Variants in ADAD1 observed in about 807,000 individuals in gnomAD.
ADAD1 encodes the protein adenosine deaminase domain-containing protein 1.
In ADAD1, 46 loss-of-function variants were observed where a neutral mutation model predicts 66.8. The ratio of observed to expected loss-of-function variants is 0.69; its 90% CI spans 0.54 to 0.88. ADAD1 has a LOEUF of 0.88. Ranked by LOEUF, ADAD1 falls within the 40% of genes least tolerant of loss-of-function variation. ADAD1 has a pLI of 0.00. For missense variants in ADAD1, 617 were observed against 681.8 expected, an observed-to-expected ratio of 0.91 and a Z score of 1.06; for synonymous variants, 248 against 229.4, an observed-to-expected ratio of 1.08 and a Z score of -0.73.
chr4:122,383,472 GT>G (rs79842121), intron 4 of ADAD1, among the ~76,000 whole-genome samples: 7,477 of 152,222 alleles, frequency 0.049, 257 homozygotes, highest in Non-Finnish European at 0.074. Flanking sequence ...CTCACTAGCC[GT>G]TTGACAGATA....
At chr4:122,384,969 C>G (rs1334875043) in intron 5 of ADAD1, among the ~76,000 whole-genome samples, 1 of 152,154 alleles carries the variant, frequency 6.6e-6, no homozygotes, top group Admixed American at 6.5e-5. Flanking sequence ...TATATTCTGT[C>G]TTGGGCTAGA....
chr4:122,421,612 T>C (rs1348851310), intron 12 of ADAD1, among the ~76,000 whole-genome samples: 7 of 152,166 alleles, frequency 4.6e-5, no homozygotes, highest in Non-Finnish European at 8.8e-5. Context: ...TATATACTTA[T>C]TTTGACAGTG....
chr4:122,411,999 G>T (rs1219551064), intron 9 of ADAD1, among the ~76,000 whole-genome samples: 1 of 152,066 alleles, frequency 6.6e-6, no homozygotes, highest in Non-Finnish European at 1.5e-5. Context: ...TTTGATGAAT[G>T]AATATCATCA....
chr4:122,385,604 C>T (rs1313991085), intron 5 of ADAD1, among the ~76,000 whole-genome samples: 3 of 152,112 alleles, frequency 2.0e-5, no homozygotes, highest in African/African-American at 4.8e-5. Context: ...TTAAAGGATA[C>T]GTGTGCAGAA....
At position 122,396,868 on chromosome 4, in the gene ADAD1, A is replaced by G. The variant is rs17005710; in HGVS notation, c.724+491A>G. Among the ~76,000 whole-genome samples, 373 of 152,302 alleles carry G rather than the reference A, an allele frequency of 2.4e-3. 1 individual carries two copies. The highest frequency in any genetic ancestry group is 8.7e-3 in the African/African-American group (362 of 41,582). On this transcript the variant is annotated intron_variant, in intron 7 of 12. Coordinates refer to ENST00000296513, the MANE Select transcript of ADAD1 (RefSeq NM_139243.4). The stretch of plus-strand genomic sequence containing the variant: ...AGAAACAATTTGAGATTTGATTCCT[A>G]TTCTTAAGGAGTTGTTATGATCTAA...
Position 122,412,658 on chromosome 4 carries a change from T to G in ADAD1, c.1098T>G (p.Ile366Met), listed in dbSNP as rs752131046. Residue 366 changes from isoleucine (I) to methionine (M), a missense_variant, in exon 10 of 13, where the codon ATT becomes ATG. Physicochemically the swap from Ile to Met is conservative, Grantham distance 10. Coordinates refer to ENST00000296513, the MANE Select transcript of ADAD1 (RefSeq NM_139243.4). ...TCCACGTGGCTGTTGAAGGCAAAAT[T>G]TATCTGACTGTTTACTGTCCTAAAG... ...LCLHVAVEGK[I>M]YLTVYCPKDG... The G allele has an allele frequency of 3.7e-6, 6 of 1,613,812 alleles. No individual in the cohort carries two copies. The highest frequency in any genetic ancestry group is 5.1e-6 in the Non-Finnish European group (6 of 1,179,828).
rs185167794 is a variant in ADAD1, at chr4:122,416,101, C to A, written c.1487+485C>A. The stretch of plus-strand genomic sequence containing the variant: ...ACTGTGTTATACTGTCTTATAATAA[C>A]CCTGTAGGTTGAGAGATTTTATTTA... On this transcript the variant is annotated intron_variant, in intron 11 of 12. Coordinates refer to ENST00000296513, the MANE Select transcript of ADAD1 (RefSeq NM_139243.4). Among the ~76,000 whole-genome samples the A allele has an allele frequency of 9.9e-5, 15 of 152,184 alleles. No homozygotes were observed. In the East Asian group the frequency reaches 2.7e-3, roughly 27 times the overall value.
rs1391389102 is a variant in ADAD1, at chr4:122,421,917, T to G, written c.1617+527T>G. ...TTTAAGTCAAAAATTTGAAGAAGTT[T>G]TAAAAATACAGAAAAAATATTATTA... On this transcript the variant is annotated intron_variant, in intron 12 of 12. Transcript: ENST00000296513. Among the ~76,000 whole-genome samples the G allele has an allele frequency of 2.0e-5, 3 of 152,060 alleles. No homozygotes were observed. In the East Asian group the frequency reaches 5.8e-4, roughly 29 times the overall value.
In ADAD1 at chr4:122,385,932, C is replaced by G. The variant is rs150544351; in HGVS notation, c.529+1966C>G. Among the ~76,000 whole-genome samples, 223 of 152,210 alleles carry G rather than the reference C, an allele frequency of 1.5e-3. 4 individuals carry two copies. In the East Asian group the frequency reaches 0.022, roughly 15 times the overall value. On this transcript the variant is annotated intron_variant, in intron 5 of 12. Transcript: ENST00000296513. The stretch of plus-strand genomic sequence containing the variant: ...GTATATGTACCATATTTTCTTTATC[C>G]ATTCTATCATTGATGGCCATTTGGG...
chr4:122,421,461 G>A (rs1383043), intron 12 of ADAD1, 71 bp downstream of exon 12: 525,206 of 1,310,110 alleles, frequency 0.4, 107,946 homozygotes, highest in African/African-American at 0.61. Flanking sequence ...TTTTAAAATG[G>A]TTATCCTTAG....
At chr4:122,425,119 T>C (rs1797171993) in intron 12 of ADAD1, among the ~76,000 whole-genome samples, 2 of 152,082 alleles carry the variant, frequency 1.3e-5, no homozygotes, top group Admixed American at 1.3e-4. Context: ...TGGTTTTAAT[T>C]CTCCTTTGTC....
At position 122,420,501 on chromosome 4, in the gene ADAD1, T is replaced by C. The variant is rs538179138; in HGVS notation, c.1488-760T>C. 2.0e-5 allele frequency among the ~76,000 whole-genome samples: 3 copies of C among 152,356 alleles called. 1 individual carries two copies. The South Asian group carries it at 6.2e-4, about 32-fold the overall frequency. On this transcript the variant is annotated intron_variant, in intron 11 of 12. Coordinates refer to ENST00000296513, the MANE Select transcript of ADAD1 (RefSeq NM_139243.4). ...GATTCAGAATTATCACACTGTCTATTGTGTTTGCTAAAACAAATCACAAGG... is the reference window on the plus strand; with the variant it reads ...GATTCAGAATTATCACACTGTCTATCGTGTTTGCTAAAACAAATCACAAGG...
chr4:122,384,785 A>C (rs935270524), intron 5 of ADAD1, among the ~76,000 whole-genome samples: 22 of 152,064 alleles, frequency 1.4e-4, no homozygotes, highest in Non-Finnish European at 2.8e-4. Flanking sequence ...TAAAACATTT[A>C]TTTTTTTCCC....
chr4:122,415,483 C>G lies in ADAD1; in HGVS notation c.1354C>G (p.Pro452Ala), dbSNP rs779320619. The G allele has an allele frequency of 1.9e-6, 3 of 1,613,742 alleles. No individual in the cohort carries two copies. In the African/African-American group the frequency reaches 4.0e-5, roughly 22 times the overall value. ...KLPMFYLVNR[P>A]HISLVPSAYP... ...TCCAATGTTTTACTTAGTCAACAGA[C>G]CTCATATTAGTTTAGTACCCTCTGC... The change falls in exon 11 of 13, where the codon CCT (proline) becomes GCT (alanine). Residue 452 changes from proline to alanine, a missense_variant. By Grantham distance (27) the Pro-to-Ala change is conservative (BLOSUM62 -1). Transcript: ENST00000296513.
intron 7 of ADAD1, among the ~76,000 whole-genome samples, chr4:122,398,951 T>C (rs1795843199): frequency 6.6e-6 from 1 of 152,234 alleles, no homozygotes; most frequent in Non-Finnish European, 1.5e-5. Context: ...TTATTTCTTT[T>C]GCTGTGCAGA....
chr4:122,393,738 G>A, intron 6 of ADAD1, 81 bp downstream of exon 6: 1 of 1,129,588 alleles, frequency 8.9e-7, no homozygotes, highest in Non-Finnish European at 1.2e-6. Context: ...AATAAGCATA[G>A]GTATGAAAAT....
intron 11 of ADAD1, 89 bp downstream of exon 11, chr4:122,415,705 T>G: frequency 9.1e-7 from 1 of 1,100,252 alleles, no homozygotes; most frequent in South Asian, 1.5e-5. Flanking sequence ...TTTTGGATAC[T>G]ATTTATTGAA....
At chr4:122,422,723 A>T (rs1337444020) in intron 12 of ADAD1, among the ~76,000 whole-genome samples, 1 of 152,124 alleles carries the variant, frequency 6.6e-6, no homozygotes, top group East Asian at 1.9e-4. Flanking sequence ...AAATTGTCAA[A>T]ACTTCCTTCC....
At chr4:122,381,803 G>A (rs1402389233) in intron 4 of ADAD1, among the ~76,000 whole-genome samples, 16 of 152,276 alleles carry the variant, frequency 1.1e-4, no homozygotes, top group Admixed American at 7.8e-4. Flanking sequence ...CTCTTAAGAG[G>A]CATTGACAGC....
Sources: gnomAD v4.1 joint callset for allele counts (sites outside exome capture counted in the v4.1 genomes callset) on GRCh38, gnomAD v4.1.1 for gene constraint, MANE v1.5 for transcripts, NCBI Gene and HGNC (gene_info 2026-07-23, HGNC 2026-07-21) for gene names.